SLC24A2: variants seen among roughly 807,000 people sequenced by gnomAD.
SLC24A2 encodes solute carrier family 24 member 2.
Under a neutral mutation model 62.0 loss-of-function variants are expected in SLC24A2, and 36 were observed. The ratio of observed to expected loss-of-function variants is 0.58; its 90% CI spans 0.44 to 0.77. SLC24A2 has a LOEUF of 0.77. Ranked by LOEUF, SLC24A2 falls within the 30% of genes least tolerant of loss-of-function variation. SLC24A2 has a pLI of 0.00. For missense variants in SLC24A2, 846 were observed against 817.9 expected, an observed-to-expected ratio of 1.03 and a Z score of -0.42; for synonymous variants, 358 against 294.0, an observed-to-expected ratio of 1.22 and a Z score of -2.23.
chr9:19,580,747 C>T (rs7854333), intron 5 of SLC24A2, among the ~76,000 whole-genome samples: 28,208 of 152,002 alleles, frequency 0.19, 2,984 homozygotes, highest in East Asian at 0.3. Context: ...CTCTGCTGGG[C>T]GATTTGTGGT....
At chr9:19,926,171 T>G in the SLC24A2 span, 1 of 152,216 alleles carries the variant, frequency 6.6e-6, no homozygotes, top group Non-Finnish European at 1.5e-5. Flanking sequence ...GCATGACCAC[T>G]AGATGGCGGG....
At chr9:20,161,832 G>T in the SLC24A2 span, among the ~76,000 whole-genome samples, 3 of 150,726 alleles carry the variant, frequency 2.0e-5, no homozygotes, top group South Asian at 6.2e-4. Context: ...ATATATCTTA[G>T]TTAATGAGGA....
the SLC24A2 span, among the ~76,000 whole-genome samples, chr9:20,056,453 C>T: frequency 1.3e-5 from 2 of 152,130 alleles, no homozygotes; most frequent in Non-Finnish European, 2.9e-5. Flanking sequence ...TATTTCTAAT[C>T]CTGTGAATGA....
intron 8 of SLC24A2, among the ~76,000 whole-genome samples, chr9:19,534,008 T>G (rs1833833576): frequency 1.9e-5 from 1 of 51,826 alleles, no homozygotes. Flanking sequence ...AAATGTGCAG[T>G]AGCTTTTTTG....
rs758390978 is a variant in SLC24A2, at chr9:19,691,610, T to C, written c.931-69311A>G. Among the ~76,000 whole-genome samples the C allele has an allele frequency of 2.5e-4, 38 of 152,186 alleles. 1 individual carries two copies. Among genetic ancestry groups the C allele is most frequent in the Admixed American group, 4.6e-4 (7 of 15,272 alleles). ...TTTTCTTTCACTTCCTCGTTGCTTC[T>C]AAGCAATAACTTTTGAGAAATGGGT... On this transcript the variant is annotated intron_variant, in intron 2 of 10. Transcript: ENST00000341998.
chr9:20,250,125 G>C, the SLC24A2 span, among the ~76,000 whole-genome samples: 7 of 152,184 alleles, frequency 4.6e-5, no homozygotes, highest in Admixed American at 4.6e-4. Context: ...TCTATGCATA[G>C]TATCATACTT....
intron 2 of SLC24A2, among the ~76,000 whole-genome samples, chr9:19,667,283 C>T (rs958462782): frequency 2.6e-4 from 39 of 152,090 alleles, no homozygotes; most frequent in African/African-American, 8.5e-4. Flanking sequence ...AAAAAGTATT[C>T]GAAACTGAAT....
chr9:19,855,475 G>A, the SLC24A2 span, among the ~76,000 whole-genome samples: 2 of 152,152 alleles, frequency 1.3e-5, no homozygotes, highest in Admixed American at 6.5e-5. Flanking sequence ...CTCTTGCAAG[G>A]CAGGCCTGGT....
chr9:20,164,326 A>G, the SLC24A2 span, among the ~76,000 whole-genome samples: 1 of 152,168 alleles, frequency 6.6e-6, no homozygotes, highest in African/African-American at 2.4e-5. Context: ...GGCAAAGGAC[A>G]TGAACAGACA....
the SLC24A2 span, among the ~76,000 whole-genome samples, chr9:20,289,681 A>G: frequency 7.2e-5 from 11 of 152,276 alleles, no homozygotes; most frequent in Admixed American, 7.2e-4. Flanking sequence ...GGCCTTTGAC[A>G]GGGCTGGCAC....
chr9:20,168,651 A>G, the SLC24A2 span, among the ~76,000 whole-genome samples: 4 of 151,998 alleles, frequency 2.6e-5, no homozygotes, highest in Non-Finnish European at 4.4e-5. Flanking sequence ...CTGCAATGAG[A>G]TAACACTTTA....
the SLC24A2 span, among the ~76,000 whole-genome samples, chr9:20,179,589 T>C: frequency 6.6e-6 from 1 of 152,216 alleles, no homozygotes; most frequent in East Asian, 1.9e-4. Flanking sequence ...AGCTTCCCTC[T>C]GTGCACAGAT....
chr9:19,994,247 G>A, the SLC24A2 span, among the ~76,000 whole-genome samples: 1 of 152,084 alleles, frequency 6.6e-6, no homozygotes, highest in Admixed American at 6.5e-5. Context: ...GCTGCCAATT[G>A]CTAAATTTTA....
At chr9:20,066,142 G>T in the SLC24A2 span, among the ~76,000 whole-genome samples, 2 of 152,180 alleles carry the variant, frequency 1.3e-5, no homozygotes, top group African/African-American at 4.8e-5. Context: ...AATATAAAGG[G>T]AGGAGGATCA....
the SLC24A2 span, among the ~76,000 whole-genome samples, chr9:19,961,478 A>C: frequency 1.3e-5 from 2 of 152,170 alleles, no homozygotes; most frequent in African/African-American, 4.8e-5. Context: ...AGAACTCTAC[A>C]TATTAAGTAG....
the SLC24A2 span, among the ~76,000 whole-genome samples, chr9:19,999,775 C>G: frequency 6.6e-6 from 1 of 152,146 alleles, no homozygotes; most frequent in Non-Finnish European, 1.5e-5. Flanking sequence ...CATCCTGAGC[C>G]AGAGTCACAG....
rs991362329 is a variant in SLC24A2, at chr9:19,511,398, A to G, written c.*4755T>C. On this transcript the variant is annotated 3_prime_UTR_variant, in exon 11 of 11. Coordinates refer to ENST00000341998, the MANE Select transcript of SLC24A2 (RefSeq NM_020344.4). ...CTGAGATTATTTTTTAAAAAAATCT[A>G]AAACTGTATATGGGCTCTTGTAATT... is the stretch of plus-strand genomic sequence containing the variant. The G allele has an allele frequency of 2.6e-5, 4 of 152,220 alleles. No individual in the cohort carries two copies. Among genetic ancestry groups the G allele is most frequent in the Non-Finnish European group, 5.9e-5 (4 of 68,036 alleles). 9.4% of individuals were successfully genotyped at this position (152,220 alleles called of 1,614,324 possible). A position where few individuals can be genotyped will look rare whatever the true frequency, so the allele number is the denominator to read the frequency against.
chr9:20,068,771 G>A, the SLC24A2 span, among the ~76,000 whole-genome samples: 1 of 152,106 alleles, frequency 6.6e-6, no homozygotes, highest in African/African-American at 2.4e-5. Context: ...GGTAGCAATG[G>A]CCATGCTCTT....
At chr9:19,681,461 G>A (rs779966570) in intron 2 of SLC24A2, among the ~76,000 whole-genome samples, 1 of 151,956 alleles carries the variant, frequency 6.6e-6, no homozygotes, top group Middle Eastern at 3.4e-3. Flanking sequence ...TTTATACTAT[G>A]GCTCCCTCTT....
Sources: allele counts gnomAD v4.1 joint callset (sites outside exome capture counted in the v4.1 genomes callset), GRCh38; gene constraint gnomAD v4.1.1; transcripts MANE v1.5; gene names NCBI Gene and HGNC (gene_info 2026-07-23, HGNC 2026-07-21).